PLXNA4: variants seen among roughly 807,000 people sequenced by gnomAD.
PLXNA4 encodes the protein plexin A4, also known as plexin-A4.
Under a neutral mutation model 191.8 loss-of-function variants are expected in PLXNA4, and 44 were observed. The observed-to-expected ratio is 0.23, with a 90% CI of 0.18 to 0.29. The LOEUF is 0.29. Among genes scored for constraint, PLXNA4 ranks in the 10% least tolerant of loss-of-function variants. The pLI, the probability that PLXNA4 is intolerant of heterozygous loss-of-function variation, is 1.00. For missense variants in PLXNA4, 1,800 were observed against 2,488.8 expected (o/e 0.72, Z 5.89); for synonymous variants, 1,082 against 1,009.5 (o/e 1.07, Z -1.36).
chr7:132,446,014 C>G (rs1329440210), intron 3 of PLXNA4, among the ~76,000 whole-genome samples: 3 of 152,160 alleles, frequency 2.0e-5, no homozygotes, highest in African/African-American at 7.2e-5. Flanking sequence ...CAGCTCTGCT[C>G]CAAGTTAACA....
chr7:132,197,686 G>GGAAT (rs1447607257), intron 13 of PLXNA4, among the ~76,000 whole-genome samples: 2 of 152,070 alleles, frequency 1.3e-5, no homozygotes, highest in African/African-American at 4.8e-5. Flanking sequence ...GAAATCAGGA[G>GGAAT]GAATTGAGGA....
At chr7:132,409,233 G>A (rs1055486744) in intron 3 of PLXNA4, among the ~76,000 whole-genome samples, 1 of 152,140 alleles carries the variant, frequency 6.6e-6, no homozygotes, top group Non-Finnish European at 1.5e-5. Flanking sequence ...GCTCAGCTCT[G>A]TGCCTCCATC....
At chr7:132,527,438 A>T (rs1799441858) in intron 1 of PLXNA4, among the ~76,000 whole-genome samples, 1 of 150,880 alleles carries the variant, frequency 6.6e-6, no homozygotes, top group Admixed American at 6.6e-5. Flanking sequence ...GAGGAAAGTG[A>T]AGTTTAAAGA....
chr7:132,437,569 G>GA lies in PLXNA4; in HGVS notation c.1371+51722dup, dbSNP rs58252362. ...GAGAGCTGCATCTGAGGAAAAAAAAGAAAAAAAAAAAAAAAACAGAAAAAG... is the reference window on the plus strand; with the variant it reads ...GAGAGCTGCATCTGAGGAAAAAAAAGAAAAAAAAAAAAAAAAACAGAAAAAG... On this transcript the variant is annotated intron_variant, in intron 3 of 31. Coordinates refer to ENST00000321063, the MANE Select transcript of PLXNA4 (RefSeq NM_020911.2). 8.5e-3 allele frequency among the ~76,000 whole-genome samples: 1,175 copies of GA among 138,344 alleles called. 19 individuals are homozygous for GA. Among genetic ancestry groups the GA allele is most frequent in the African/African-American group, 0.03 (1,068 of 35,802 alleles). 90.8% of individuals were successfully genotyped at this position (138,344 alleles called of 152,430 possible).
intron 3 of PLXNA4, among the ~76,000 whole-genome samples, chr7:132,475,488 C>T (rs868846285): frequency 2.6e-5 from 4 of 152,120 alleles, no homozygotes; most frequent in South Asian, 2.1e-4. Flanking sequence ...TGCCAGGAAC[C>T]GCTCTGTCAC....
At chr7:132,167,919 C>T (rs1796168099) in intron 22 of PLXNA4, among the ~76,000 whole-genome samples, 1 of 152,160 alleles carries the variant, frequency 6.6e-6, no homozygotes, top group Non-Finnish European at 1.5e-5. Flanking sequence ...TGGCATGAGG[C>T]CACAGGTCTT....
At chr7:132,592,405 T>G (rs1259751890) in intron 2 of PLXNA4, among the ~76,000 whole-genome samples, 1 of 152,166 alleles carries the variant, frequency 6.6e-6, no homozygotes, top group Non-Finnish European at 1.5e-5. Flanking sequence ...AAAATCACTC[T>G]TCTCATTAAA....
chr7:132,132,497 TTTCTATTCTATTCTA>T (rs1159802824), intron 31 of PLXNA4, among the ~76,000 whole-genome samples: 5,190 of 111,786 alleles, frequency 0.046, 223 homozygotes, highest in Middle Eastern at 0.07. Flanking sequence ...GCTCTATTCT[TTTCTATTCTATTCTA>T]TTCTATTCTA....
At chr7:132,227,337 C>G (rs1375784441) in intron 7 of PLXNA4, 114 bp downstream of exon 7, 50 of 1,413,324 alleles carry the variant, frequency 3.5e-5, no homozygotes, top group Non-Finnish European at 4.5e-5. Flanking sequence ...CATGCCCCTT[C>G]CTCTGACTCT....
chr7:132,552,525 G>A (rs540525427), intron 1 of PLXNA4, among the ~76,000 whole-genome samples: 8 of 152,284 alleles, frequency 5.3e-5, no homozygotes, highest in African/African-American at 1.7e-4. Context: ...GGGGCAGCCC[G>A]CTTCTTCATC....
intron 30 of PLXNA4, among the ~76,000 whole-genome samples, chr7:132,138,426 G>A (rs1409391505): frequency 3.3e-5 from 5 of 152,134 alleles, no homozygotes; most frequent in African/African-American, 7.2e-5. Flanking sequence ...CTGCCCTGCC[G>A]GACTTTACTT....
intron 24 of PLXNA4, among the ~76,000 whole-genome samples, chr7:132,161,726 G>A (rs757777777): frequency 2.0e-4 from 30 of 151,150 alleles, no homozygotes; most frequent in Non-Finnish European, 2.7e-4. Flanking sequence ...GGCACCTAGC[G>A]CTCTGGCAGG....
At chr7:132,546,743 C>T (rs147341596) in intron 1 of PLXNA4, among the ~76,000 whole-genome samples, 1 of 152,192 alleles carries the variant, frequency 6.6e-6, no homozygotes, top group African/African-American at 2.4e-5. Flanking sequence ...TTAAGCCTCC[C>T]TTTTGAGAAG....
chr7:132,508,594 A>T lies in PLXNA4; in HGVS notation c.100T>A (p.Ser34Thr). The change falls in exon 2 of 32, where the codon TCC becomes ACC. Residue 34 changes from serine to threonine, a missense_variant. Transcript: ENST00000321063. The surrounding 1 kb of genome is among the most constrained non-coding windows in gnomAD (Gnocchi z 4.4). Reference protein sequence around the residue: ...TLLTRQPAPLSQKQRSFVTFR... With the variant: ...TLLTRQPAPLTQKQRSFVTFR... ...GTGACAAATGACCGCTGCTTCTGGG[A>T]CAGCGGGGCTGGCTGCCGGGTGAGC... The T allele has an allele frequency of 6.2e-7, 1 of 1,613,734 alleles. No individual in the cohort carries two copies. Among genetic ancestry groups the T allele is most frequent in the East Asian group, 2.2e-5 (1 of 44,864 alleles).
intron 3 of PLXNA4, among the ~76,000 whole-genome samples, chr7:132,486,594 C>T (rs138937495): frequency 2.4e-3 from 371 of 152,314 alleles, no homozygotes; most frequent in Middle Eastern, 6.8e-3. Flanking sequence ...TGGCTTTCCC[C>T]GGGAGGACCG....
intron 1 of PLXNA4, among the ~76,000 whole-genome samples, chr7:132,562,620 T>C (rs1459227355): frequency 1.8e-3 from 117 of 65,382 alleles, no homozygotes; most frequent in East Asian, 3.7e-3. Flanking sequence ...TCTCCTCCTC[T>C]TCCTCCTCCT....
At chr7:132,491,263 A>C (rs968449652) in intron 2 of PLXNA4, among the ~76,000 whole-genome samples, 15 of 152,224 alleles carry the variant, frequency 9.9e-5, no homozygotes, top group African/African-American at 3.6e-4. Context: ...ACTTTTTTAA[A>C]GGCTTCAATC....
At chr7:132,413,175 T>G (rs1794529118) in intron 3 of PLXNA4, among the ~76,000 whole-genome samples, 2 of 152,044 alleles carry the variant, frequency 1.3e-5, no homozygotes, top group Non-Finnish European at 2.9e-5. Context: ...CCTGGGCAAG[T>G]CCAGGACAGA....
rs1562989638 is a variant in PLXNA4 at position 132,246,801 on chromosome 7, CATCA to C, written c.1504-5639_1504-5636del. Among the ~76,000 whole-genome samples the C allele has an allele frequency of 2.0e-5, 3 of 151,674 alleles. No homozygotes were observed. The East Asian group carries it at 6.0e-4, about 30-fold the overall frequency. Reference sequence around the variant, plus strand: ...TCATCATCATCATCATCATCATCATCATCATCCTCATCATCATCCTCATCACCAT... The same window carrying C: ...TCATCATCATCATCATCATCATCATCTCCTCATCATCATCCTCATCACCAT... On this transcript the variant is annotated intron_variant, in intron 4 of 31. Transcript: ENST00000321063.
Sources: gnomAD v4.1 joint callset for allele counts (sites outside exome capture counted in the v4.1 genomes callset) on GRCh38, gnomAD v4.1.1 for gene constraint, Gnocchi (gnomAD v3.1) non-coding constraint, MANE v1.5 for transcripts, NCBI Gene and HGNC (gene_info 2026-07-23, HGNC 2026-07-21) for gene names.